Variants in NTM observed in about 807,000 individuals in gnomAD.
NTM encodes IgLON family member 2.
In NTM, 13 loss-of-function variants were observed where a neutral mutation model predicts 42.1. The observed-to-expected ratio is 0.31, with a 90% CI of 0.20 to 0.49. NTM has a LOEUF of 0.49. Ranked by LOEUF, NTM falls within the 20% of genes least tolerant of loss-of-function variation. The pLI is 0.99. For missense variants in NTM, 373 were observed against 452.8 expected (o/e 0.82, Z 1.60); for synonymous variants, 187 against 179.2 (o/e 1.04, Z -0.35).
In NTM at chr11:131,727,251, A is replaced by G. The variant is rs935149224; in HGVS notation, c.83-184313A>G. ...TCAAAAGCAACAAGTTTATATAGAA[A>G]TGCTTTCTTCATCCTTCTAATTACA... On this transcript the variant is annotated intron_variant, in intron 1 of 8. Coordinates refer to ENST00000683400, the MANE Select transcript of NTM (RefSeq NM_001352005.2). Among the ~76,000 whole-genome samples, 14 of 145,064 alleles carry G rather than the reference A, an allele frequency of 9.7e-5. 2 individuals are homozygous for G. Among genetic ancestry groups the G allele is most frequent in the African/African-American group, 3.7e-4 (13 of 34,694 alleles).
At chr11:132,076,965 G>T (rs2058449115) in intron 2 of NTM, among the ~76,000 whole-genome samples, 1 of 152,134 alleles carries the variant, frequency 6.6e-6, no homozygotes, top group Admixed American at 6.5e-5. Flanking sequence ...GGGATTGTGT[G>T]AACTGCAATT....
At chr11:131,518,922 A>C (rs7102240) in intron 1 of NTM, among the ~76,000 whole-genome samples, 1 of 152,252 alleles carries the variant, frequency 6.6e-6, no homozygotes, top group Non-Finnish European at 1.5e-5. Context: ...ATTTCAGGGC[A>C]TCTCAGATAC....
intron 1 of NTM, among the ~76,000 whole-genome samples, chr11:131,640,670 C>T (rs969076233): frequency 1.1e-4 from 16 of 152,158 alleles, no homozygotes; most frequent in African/African-American, 3.9e-4. Context: ...AAGCCAGTCA[C>T]CTCACCCTTC....
At chr11:132,034,617 C>G (rs1004791208) in intron 2 of NTM, among the ~76,000 whole-genome samples, 1 of 152,220 alleles carries the variant, frequency 6.6e-6, no homozygotes, top group Non-Finnish European at 1.5e-5. Flanking sequence ...TGTTTCTCCA[C>G]CTTTGACACC....
chr11:131,516,477 A>G (rs932247017), intron 1 of NTM, among the ~76,000 whole-genome samples: 1 of 152,164 alleles, frequency 6.6e-6, no homozygotes, highest in Non-Finnish European at 1.5e-5. Flanking sequence ...TCCCGGGTTC[A>G]AGAGATTCTC....
chr11:132,008,407 T>G (rs1287699217), intron 2 of NTM, among the ~76,000 whole-genome samples: 1 of 152,166 alleles, frequency 6.6e-6, no homozygotes, highest in Non-Finnish European at 1.5e-5. Flanking sequence ...TGACCTCAGA[T>G]AGGACTCAGG....
chr11:132,134,635 C>G (rs2067429512), intron 2 of NTM, among the ~76,000 whole-genome samples: 1 of 146,126 alleles, frequency 6.8e-6, no homozygotes, highest in Non-Finnish European at 1.5e-5. Context: ...GAATAATAGT[C>G]TCCAGTTCCA....
chr11:131,891,344 G>C (rs556060456), intron 1 of NTM, among the ~76,000 whole-genome samples: 29 of 152,326 alleles, frequency 1.9e-4, no homozygotes, highest in Non-Finnish European at 3.4e-4. Flanking sequence ...GGGGTGAATA[G>C]TGTTGATTGA....
chr11:132,098,490 G>C (rs1395281541), intron 2 of NTM, among the ~76,000 whole-genome samples: 1 of 152,218 alleles, frequency 6.6e-6, no homozygotes, highest in Non-Finnish European at 1.5e-5. Flanking sequence ...GGTGGCAGCT[G>C]TCTCCTACCC....
chr11:132,100,949 A>G (rs914633057), intron 2 of NTM, among the ~76,000 whole-genome samples: 17 of 152,234 alleles, frequency 1.1e-4, no homozygotes, highest in African/African-American at 3.9e-4. Context: ...TTGCAGTTCA[A>G]AGCAGGTGAA....
intron 2 of NTM, among the ~76,000 whole-genome samples, chr11:132,138,266 G>A (rs1359537058): frequency 6.6e-6 from 1 of 152,148 alleles, no homozygotes; most frequent in Non-Finnish European, 1.5e-5. Flanking sequence ...CCTGCTTCCA[G>A]TACACACCAA....
At chr11:131,881,297 C>T (rs895426057) in intron 1 of NTM, among the ~76,000 whole-genome samples, 3 of 152,144 alleles carry the variant, frequency 2.0e-5, no homozygotes, top group African/African-American at 7.2e-5. Flanking sequence ...TTACCACCCT[C>T]CTCTCAACGG....
chr11:131,614,967 G>A lies in NTM; in HGVS notation c.82+244079G>A, dbSNP rs191778937. On this transcript the variant is annotated intron_variant, in intron 1 of 8. Coordinates refer to ENST00000683400, the MANE Select transcript of NTM (RefSeq NM_001352005.2). ...CTCATGCCCCCTCCATTCTGCCCTC[G>A]CCTCCTCCCACCCTTGACCTTTGTG... 3.5e-3 allele frequency among the ~76,000 whole-genome samples: 529 copies of A among 152,120 alleles called. 6 individuals carry two copies. Among genetic ancestry groups the A allele is most frequent in the African/African-American group, 0.012 (514 of 41,498 alleles).
chr11:131,856,136 A>C (rs1565634626), intron 1 of NTM, among the ~76,000 whole-genome samples: 1 of 148,950 alleles, frequency 6.7e-6, no homozygotes, highest in African/African-American at 2.5e-5. Context: ...TAAAGTGAGA[A>C]TCTTACAGCC....
At chr11:132,055,402 A>T (rs1225275592) in intron 2 of NTM, among the ~76,000 whole-genome samples, 3 of 152,150 alleles carry the variant, frequency 2.0e-5, no homozygotes. Flanking sequence ...TTATCTGGGC[A>T]TACTCAAATA....
intron 1 of NTM, among the ~76,000 whole-genome samples, chr11:131,735,708 C>T (rs1481914768): frequency 6.6e-6 from 1 of 152,144 alleles, no homozygotes; most frequent in East Asian, 1.9e-4. Context: ...TTCCATGCCC[C>T]TTAGCTCAGT....
At chr11:131,481,808 TTAAAAAA>T (rs1565547842) in intron 1 of NTM, among the ~76,000 whole-genome samples, 1 of 152,142 alleles carries the variant, frequency 6.6e-6, no homozygotes, top group Non-Finnish European at 1.5e-5. Flanking sequence ...TTAAAAAAAA[TTAAAAAA>T]TAAAAAATCC....
At chr11:131,542,214 C>T (rs150751723) in intron 1 of NTM, among the ~76,000 whole-genome samples, 158 of 152,262 alleles carry the variant, frequency 1.0e-3, no homozygotes, top group African/African-American at 3.7e-3. Context: ...CGGCACAGCT[C>T]GGAAGGTCAA....
intron 2 of NTM, among the ~76,000 whole-genome samples, chr11:132,145,401 CTGCT>C (rs2070162662): frequency 6.6e-6 from 1 of 151,800 alleles, no homozygotes; most frequent in Non-Finnish European, 1.5e-5. Flanking sequence ...GATCAGGACA[CTGCT>C]TGTAAATTTA....
Sources: gnomAD v4.1 joint callset for allele counts (sites outside exome capture counted in the v4.1 genomes callset) on GRCh38, gnomAD v4.1.1 for gene constraint, MANE v1.5 for transcripts, NCBI Gene and HGNC (gene_info 2026-07-23, HGNC 2026-07-21) for gene names.